Variants in AUH observed in about 807,000 individuals in gnomAD.
The protein encoded by AUH is AU RNA binding methylglutaconyl-CoA hydratase, also known as methylglutaconyl-CoA hydratase, mitochondrial.
In AUH, 29 loss-of-function variants were observed where a neutral mutation model predicts 42.3. That is an observed-to-expected ratio of 0.69 (90% CI 0.51 to 0.93). The LOEUF is 0.93. Among genes scored for constraint, AUH ranks in the 40% least tolerant of loss-of-function variants. The pLI is 0.00. For missense variants in AUH, 452 were observed against 438.1 expected (o/e 1.03, Z -0.28); for synonymous variants, 174 against 166.4 (o/e 1.05, Z -0.35).
chr9:91,256,506 C>T (rs1439649837), intron 6 of AUH, among the ~76,000 whole-genome samples: 3 of 151,952 alleles, frequency 2.0e-5, no homozygotes, highest in Non-Finnish European at 4.4e-5. Flanking sequence ...ATTACGGACA[C>T]GGAGAAGGGA....
intron 6 of AUH, among the ~76,000 whole-genome samples, chr9:91,261,542 G>A: frequency 6.6e-6 from 1 of 152,152 alleles, no homozygotes; most frequent in East Asian, 1.9e-4. Flanking sequence ...TCAAATGAAA[G>A]CACATCTTGG....
Position 91,279,662 on chromosome 9 carries a change from G to A in AUH, c.655+16359C>T, listed in dbSNP as rs79993568. On this transcript the variant is annotated intron_variant, in intron 6 of 9. Coordinates refer to ENST00000375731, the MANE Select transcript of AUH (RefSeq NM_001698.3). Reference sequence around the variant, plus strand: ...TGAACTCGCTCATCACCAAGGGGACGGTGCAAAGCTGTTCATGGGAAATCT... The same window carrying A: ...TGAACTCGCTCATCACCAAGGGGACAGTGCAAAGCTGTTCATGGGAAATCT... Among the ~76,000 whole-genome samples the A allele has an allele frequency of 3.1e-3, 465 of 152,212 alleles. 5 individuals are homozygous for A. The highest frequency in any genetic ancestry group is 0.011 in the African/African-American group (443 of 41,526).
chr9:91,360,268 A>G (rs1275834192), intron 1 of AUH: 1 of 152,204 alleles, frequency 6.6e-6, no homozygotes, highest in East Asian at 1.9e-4. Context: ...TCCCGGCATG[A>G]CTAAGCTTAC....
intron 4 of AUH, among the ~76,000 whole-genome samples, chr9:91,300,830 T>C (rs546466156): frequency 6.6e-6 from 1 of 152,344 alleles, no homozygotes; most frequent in Admixed American, 6.5e-5. Context: ...GGTGCAGCTC[T>C]GCCTAGAATG....
intron 1 of AUH, 131 bp downstream of exon 1, chr9:91,361,497 G>C (rs1832848579): frequency 7.7e-7 from 1 of 1,290,986 alleles, no homozygotes; most frequent in Non-Finnish European, 1.0e-6. Flanking sequence ...GTGAGAAAGG[G>C]GAGGGACCCA....
chr9:91,337,465 GC>G (rs1422732328), intron 3 of AUH, among the ~76,000 whole-genome samples: 1 of 152,146 alleles, frequency 6.6e-6, no homozygotes, highest in Non-Finnish European at 1.5e-5. Flanking sequence ...GTTAGTTTGA[GC>G]TAACCAGCAT....
chr9:91,349,274 T>C (rs1831766114), intron 3 of AUH, among the ~76,000 whole-genome samples: 1 of 152,236 alleles, frequency 6.6e-6, no homozygotes, highest in Non-Finnish European at 1.5e-5. Context: ...CTACCTTTAC[T>C]TTTTTATAAA....
chr9:91,305,408 A>G (rs910637088), intron 4 of AUH, among the ~76,000 whole-genome samples: 5 of 152,226 alleles, frequency 3.3e-5, no homozygotes, highest in African/African-American at 1.2e-4. Context: ...GTCTCAACAA[A>G]TTAGTAAACT....
At chr9:91,290,924 A>G (rs1228518350) in intron 6 of AUH, among the ~76,000 whole-genome samples, 2 of 152,196 alleles carry the variant, frequency 1.3e-5, no homozygotes, top group African/African-American at 2.4e-5. Context: ...ATTCATTGCT[A>G]TAACAAATTG....
rs574427836 is a variant in AUH at position 91,221,774 on chromosome 9, T to C, written c.656-782A>G. ...GGGTAAATGTAGGTCAGAATAGTTCTACAGCAAAAGATGCTTATTTTGTTG... is the reference window on the plus strand; with the variant it reads ...GGGTAAATGTAGGTCAGAATAGTTCCACAGCAAAAGATGCTTATTTTGTTG... On this transcript the variant is annotated intron_variant, in intron 6 of 9. Coordinates refer to ENST00000375731, the MANE Select transcript of AUH (RefSeq NM_001698.3). Among the ~76,000 whole-genome samples the C allele has an allele frequency of 7.2e-5, 11 of 152,376 alleles. No individual in the cohort carries two copies. The East Asian group carries it at 2.1e-3, about 29-fold the overall frequency.
At chr9:91,237,213 T>C (rs909662659) in intron 6 of AUH, among the ~76,000 whole-genome samples, 2 of 152,216 alleles carry the variant, frequency 1.3e-5, no homozygotes, top group African/African-American at 4.8e-5. Context: ...AACTGTTTAC[T>C]TATCAAATGA....
chr9:91,315,567 A>G (rs1174330331), intron 4 of AUH, among the ~76,000 whole-genome samples: 2 of 152,170 alleles, frequency 1.3e-5, no homozygotes, highest in South Asian at 2.1e-4. Context: ...TCTCCTTTCT[A>G]AAGTTATGAA....
At chr9:91,358,701 G>C (rs1832623992) in intron 1 of AUH, among the ~76,000 whole-genome samples, 2 of 152,168 alleles carry the variant, frequency 1.3e-5, no homozygotes, top group South Asian at 2.1e-4. Flanking sequence ...CATTATTACT[G>C]AAGGGTAAAG....
intron 6 of AUH, among the ~76,000 whole-genome samples, chr9:91,254,087 G>A (rs996528795): frequency 1.2e-4 from 18 of 152,138 alleles, no homozygotes; most frequent in African/African-American, 3.9e-4. Context: ...CAGAAAGAAC[G>A]TTAATAAAGT....
intron 3 of AUH, among the ~76,000 whole-genome samples, chr9:91,335,815 T>TTTTTGTTA (rs1447352756): frequency 6.8e-4 from 103 of 152,248 alleles, no homozygotes; most frequent in Non-Finnish European, 1.4e-3. Flanking sequence ...CTAATTACGT[T>TTTTTGTTA]TTTTGTTAAT....
intron 7 of AUH, among the ~76,000 whole-genome samples, chr9:91,220,313 TGCTTTTCAAGCAG>T (rs1340188617): frequency 6.6e-6 from 1 of 152,252 alleles, no homozygotes; most frequent in Non-Finnish European, 1.5e-5. Flanking sequence ...AAACAACTGC[TGCTTTTCAAGCAG>T]GCTTTTCACT....
At chr9:91,262,618 T>A (rs1413309260) in intron 6 of AUH, among the ~76,000 whole-genome samples, 1 of 152,174 alleles carries the variant, frequency 6.6e-6, no homozygotes, top group African/African-American at 2.4e-5. Context: ...ATACACTCCA[T>A]TTAATCCTCA....
At chr9:91,225,023 C>T (rs976783140) in intron 6 of AUH, among the ~76,000 whole-genome samples, 8 of 152,140 alleles carry the variant, frequency 5.3e-5, no homozygotes, top group South Asian at 2.1e-4. Flanking sequence ...CAAATATCTC[C>T]GGAATAGTTA....
intron 6 of AUH, among the ~76,000 whole-genome samples, chr9:91,288,318 G>C (rs578226504): frequency 6.6e-6 from 1 of 152,156 alleles, no homozygotes; most frequent in African/African-American, 2.4e-5. Context: ...CCTTGCAAAT[G>C]TATTAAAGGA....
Sources: allele counts gnomAD v4.1 joint callset (sites outside exome capture counted in the v4.1 genomes callset), GRCh38; gene constraint gnomAD v4.1.1; transcripts MANE v1.5; gene names NCBI Gene and HGNC (gene_info 2026-07-23, HGNC 2026-07-21).